KLF12: variants seen among roughly 807,000 people sequenced by gnomAD.
KLF12 encodes the protein Krueppel-like factor 12.
KLF12 carries 9 observed loss-of-function variants against 37.8 expected under a neutral mutation model. The ratio of observed to expected loss-of-function variants is 0.24; its 90% CI spans 0.14 to 0.42. The LOEUF (loss-of-function observed/expected upper bound fraction) is 0.42. Ranked by LOEUF, KLF12 falls within the 10% of genes least tolerant of loss-of-function variation. The pLI, the probability that KLF12 is intolerant of heterozygous loss-of-function variation, is 1.00. For missense variants in KLF12, 411 were observed against 516.0 expected (o/e 0.80, Z 1.97); for synonymous variants, 208 against 202.1 (o/e 1.03, Z -0.25).
At chr13:74,086,473 T>C (rs1390933724) in intron 1 of KLF12, among the ~76,000 whole-genome samples, 1 of 152,108 alleles carries the variant, frequency 6.6e-6, no homozygotes, top group Non-Finnish European at 1.5e-5. Flanking sequence ...CTGCATAGTA[T>C]TCCACGGTGT....
chr13:73,710,132 G>C (rs556638832), intron 7 of KLF12, among the ~76,000 whole-genome samples: 1 of 152,152 alleles, frequency 6.6e-6, no homozygotes, highest in South Asian at 2.1e-4. Flanking sequence ...CAGTGATAGG[G>C]AACACACTAC....
chr13:74,047,134 C>T (rs1228157990), intron 1 of KLF12, among the ~76,000 whole-genome samples: 2 of 152,090 alleles, frequency 1.3e-5, no homozygotes, highest in Non-Finnish European at 2.9e-5. Context: ...CAGAGAAATG[C>T]CACTTAGTCT....
At chr13:73,973,143 CTT>C (rs1891394642) in intron 2 of KLF12, among the ~76,000 whole-genome samples, 1 of 152,116 alleles carries the variant, frequency 6.6e-6, no homozygotes, top group Admixed American at 6.6e-5. Flanking sequence ...CATAAAATAA[CTT>C]TGTTATTTAA....
At chr13:73,934,944 G>GTTT (rs1250731295) in intron 3 of KLF12, among the ~76,000 whole-genome samples, 6 of 125,576 alleles carry the variant, frequency 4.8e-5, no homozygotes, top group South Asian at 2.8e-4. Flanking sequence ...TTTTGGATAG[G>GTTT]TTTTTATTAT....
At position 74,105,571 on chromosome 13, in the gene KLF12, A is replaced by AATACCC. The variant is rs1593904461; in HGVS notation, c.-32+28167_-32+28168insGGGTAT. Among the ~76,000 whole-genome samples the AATACCC allele has an allele frequency of 7.2e-5, 11 of 152,198 alleles. No individual in the cohort carries two copies. In the East Asian group the frequency reaches 2.1e-3, roughly 29 times the overall value. On this transcript the variant is annotated intron_variant, in intron 1 of 7. Transcript: ENST00000377669. ...GCAAGGGCATAGACGGGTAGAGAAGAGGGGAAAAGATCTTTGTTAAAAGTG... is the reference window on the plus strand; with the variant it reads ...GCAAGGGCATAGACGGGTAGAGAAGAATACCCGGGGAAAAGATCTTTGTTAAAAGTG...
At chr13:73,803,559 T>C (rs183744187) in intron 5 of KLF12, among the ~76,000 whole-genome samples, 10 of 152,292 alleles carry the variant, frequency 6.6e-5, no homozygotes, top group African/African-American at 1.9e-4. Flanking sequence ...AAGAATCATA[T>C]GCTTATTATA....
At chr13:73,819,551 C>T (rs1020764372) in intron 4 of KLF12, among the ~76,000 whole-genome samples, 2 of 148,954 alleles carry the variant, frequency 1.3e-5, no homozygotes, top group Non-Finnish European at 1.5e-5. Flanking sequence ...TGAACACCTA[C>T]GAGGTAGCAA....
Position 73,751,542 on chromosome 13 carries a change from T to C in KLF12, c.869+13396A>G, listed in dbSNP as rs571137260. Among the ~76,000 whole-genome samples the C allele has an allele frequency of 1.4e-4, 21 of 151,990 alleles. 2 individuals are homozygous for C. The South Asian group carries it at 4.2e-3, about 30-fold the overall frequency. On this transcript the variant is annotated intron_variant, in intron 6 of 7. Coordinates refer to ENST00000377669, the MANE Select transcript of KLF12 (RefSeq NM_007249.5). ...GAAGAGCCAACACTGCCAAGCAATA[T>C]TTAGGAGGAGGAATGCTGGACTCAT...
chr13:73,721,933 T>C (rs1455407179), intron 6 of KLF12, among the ~76,000 whole-genome samples: 4 of 152,298 alleles, frequency 2.6e-5, no homozygotes, highest in African/African-American at 7.2e-5. Flanking sequence ...CAGTGGTATA[T>C]GCTAATGTCT....
chr13:74,240,119 G>A, the KLF12 span, among the ~76,000 whole-genome samples: 1 of 152,132 alleles, frequency 6.6e-6, no homozygotes, highest in Non-Finnish European at 1.5e-5. Flanking sequence ...TCCTTCAGGA[G>A]CTCTTGTAAG....
intron 7 of KLF12, among the ~76,000 whole-genome samples, chr13:73,703,730 T>A (rs892621740): frequency 1.3e-5 from 2 of 152,244 alleles, no homozygotes; most frequent in African/African-American, 4.8e-5. Context: ...TTGCAATAAC[T>A]AACCCCACTT....
chr13:73,881,145 G>T (rs1886960846), intron 3 of KLF12, among the ~76,000 whole-genome samples: 1 of 151,714 alleles, frequency 6.6e-6, no homozygotes, highest in Non-Finnish European at 1.5e-5. Context: ...GTAAATTAGG[G>T]GAAACTTACT....
At chr13:73,931,934 G>T (rs1483976709) in intron 3 of KLF12, among the ~76,000 whole-genome samples, 1 of 151,136 alleles carries the variant, frequency 6.6e-6, no homozygotes, top group African/African-American at 2.4e-5. Context: ...CGACTACCTT[G>T]TTAGAGCTGA....
the KLF12 span, among the ~76,000 whole-genome samples, chr13:74,297,137 G>A: frequency 6.6e-6 from 1 of 152,072 alleles, no homozygotes; most frequent in African/African-American, 2.4e-5. Context: ...ATTCAGTTGG[G>A]CCTATAGGGT....
At chr13:73,876,787 G>A (rs1443222072) in intron 3 of KLF12, among the ~76,000 whole-genome samples, 1 of 152,050 alleles carries the variant, frequency 6.6e-6, no homozygotes, top group Non-Finnish European at 1.5e-5. Context: ...GGCAGAAGTG[G>A]GCAGATCATC....
intron 2 of KLF12, among the ~76,000 whole-genome samples, chr13:73,948,050 T>C (rs534961910): frequency 1.1e-4 from 16 of 151,578 alleles, no homozygotes; most frequent in Non-Finnish European, 2.4e-4. Context: ...ACAGGAAATA[T>C]GATATTTTAT....
At chr13:73,715,796 A>G (rs1875759476) in intron 6 of KLF12, among the ~76,000 whole-genome samples, 1 of 152,244 alleles carries the variant, frequency 6.6e-6, no homozygotes, top group Non-Finnish European at 1.5e-5. Flanking sequence ...AAGCAGTGGT[A>G]GGTGAGTATT....
the KLF12 span, among the ~76,000 whole-genome samples, chr13:74,152,299 A>G: frequency 6.6e-6 from 1 of 152,232 alleles, no homozygotes; most frequent in Non-Finnish European, 1.5e-5. Context: ...CATAATTCTT[A>G]TATAACTTAG....
chr13:73,732,737 T>G (rs1220700006), intron 6 of KLF12, among the ~76,000 whole-genome samples: 2 of 152,136 alleles, frequency 1.3e-5, no homozygotes, highest in East Asian at 3.9e-4. Context: ...CCTTTTTGTA[T>G]GTCACTCAAA....
Sources: allele counts gnomAD v4.1 joint callset (sites outside exome capture counted in the v4.1 genomes callset), GRCh38; gene constraint gnomAD v4.1.1; transcripts MANE v1.5; gene names NCBI Gene and HGNC (gene_info 2026-07-23, HGNC 2026-07-21).